The following ZNF18 variants were observed in gnomAD, a reference collection of about 807,000 sequenced individuals.
ZNF18 encodes the protein heart development-specific gene 1 protein.
ZNF18 carries 42 observed loss-of-function variants against 58.1 expected under a neutral mutation model. That is an observed-to-expected ratio of 0.72 (90% confidence interval 0.56 to 0.93). The LOEUF (loss-of-function observed/expected upper bound fraction) is 0.93. Ranked by LOEUF, ZNF18 falls within the 40% of genes least tolerant of loss-of-function variation. ZNF18 has a pLI of 0.00. For synonymous variants in ZNF18, 231 were observed against 239.8 expected, an observed-to-expected ratio of 0.96 and a Z score of 0.34; for missense variants, 540 against 644.2, an observed-to-expected ratio of 0.84 and a Z score of 1.75.
chr17:12,014,816 C>T, the ZNF18 span, among the ~76,000 whole-genome samples: 4 of 152,068 alleles, frequency 2.6e-5, no homozygotes, highest in African/African-American at 7.2e-5. Flanking sequence ...TTTGGGAGGC[C>T]GAGGCAGGCG....
At chr17:12,001,629 AAAACAAACAAAC>A (rs559517921), upstream of ZNF18, among the ~76,000 whole-genome samples, 6 of 151,832 alleles carry the variant, frequency 4.0e-5, no homozygotes, top group Non-Finnish European at 4.4e-5. Flanking sequence ...ACTCCGTCTC[AAAACAAACAAAC>A]AAACAAACAA....
chr17:12,010,968 C>T, the ZNF18 span: 2 of 715,618 alleles, frequency 2.8e-6, no homozygotes, highest in Non-Finnish European at 5.1e-6. Context: ...ATTCTCTTGG[C>T]AAGAATCTTG....
intron 1 of ZNF18, chr17:11,995,624 A>G (rs1968424537): frequency 6.6e-6 from 1 of 151,206 alleles, no homozygotes; most frequent in South Asian, 2.1e-4. Flanking sequence ...CGGAAGTTGC[A>G]GTGAGTCAAG....
At chr17:11,988,435 T>C (rs965615952) in intron 4 of ZNF18, among the ~76,000 whole-genome samples, 1 of 152,110 alleles carries the variant, frequency 6.6e-6, no homozygotes, top group African/African-American at 2.4e-5. Flanking sequence ...CCAAGATCCT[T>C]AGAATCGACA....
In ZNF18 at chr17:11,979,005, A is replaced by ATCAC. The variant is rs1967175942; in HGVS notation, c.863-265_863-262dup. On this transcript the variant is annotated intron_variant, in intron 6 of 6. Transcript: ENST00000580306. ...ACAACACAGGAGTACTCATAAAGTG[A>ATCAC]TCACTCCGTAAATAAAGCCACATGT... 2.6e-5 allele frequency among the ~76,000 whole-genome samples: 4 copies of ATCAC among 151,644 alleles called. No homozygotes were observed. In the South Asian group the frequency reaches 8.3e-4, roughly 32 times the overall value.
chr17:11,988,895 C>T (rs35439204), intron 4 of ZNF18, among the ~76,000 whole-genome samples: 36,304 of 151,742 alleles, frequency 0.24, 5,153 homozygotes, highest in Middle Eastern at 0.36. Flanking sequence ...ATGGTGGCTC[C>T]CGCCTGTAAT....
chr17:11,990,853 C>G (rs2151482497), intron 3 of ZNF18, 121 bp downstream of exon 3: 1 of 1,147,702 alleles, frequency 8.7e-7, no homozygotes, highest in African/African-American at 1.6e-5. Context: ...TTAGGTCTAA[C>G]CTGTTTGCAA....
intron 1 of ZNF18, chr17:11,996,689 G>A (rs1968489084): frequency 6.6e-6 from 1 of 152,076 alleles, no homozygotes; most frequent in Admixed American, 6.6e-5. Context: ...TGCATTCTAG[G>A]TGTAATATAC....
rs149438688 is a variant in ZNF18 at position 11,978,593 on chromosome 17, T to C, written c.1014A>G (p.Gly338=). 2.5e-6 allele frequency: 4 copies of C among 1,614,096 alleles called. No homozygotes were observed. The highest frequency in any genetic ancestry group is 3.4e-6 in the Non-Finnish European group (4 of 1,180,028). ...FFTEDEPGCF[G]EGENLPEALQ... ...GAGCCTCAGGGAGATTCTCTCCTTC[T>C]CCAAAGCATCCTGGCTCATCCTCAG... Residue 338 remains glycine, a synonymous_variant, in exon 7 of 7, where the codon GGA becomes GGG. Transcript: ENST00000580306.
At chr17:12,019,080 T>C in the ZNF18 span, among the ~76,000 whole-genome samples, 1 of 151,780 alleles carries the variant, frequency 6.6e-6, no homozygotes. Flanking sequence ...TCAGCCTCCC[T>C]AGTAGCTGGG....
At chr17:12,011,836 G>A in the ZNF18 span, among the ~76,000 whole-genome samples, 9 of 151,564 alleles carry the variant, frequency 5.9e-5, no homozygotes, top group African/African-American at 1.5e-4. Context: ...GAGTAGCTGG[G>A]ATTACAGGCA....
At chr17:11,999,425 T>G (rs1968619798), upstream of ZNF18, among the ~76,000 whole-genome samples, 1 of 152,226 alleles carries the variant, frequency 6.6e-6, no homozygotes, top group Admixed American at 6.5e-5. Context: ...AATGACACTT[T>G]GAAGTTTAAT....
the ZNF18 span, among the ~76,000 whole-genome samples, chr17:12,008,347 C>A: frequency 3.3e-5 from 5 of 152,108 alleles, no homozygotes; most frequent in Non-Finnish European, 7.4e-5. Flanking sequence ...ATAAGTCTGA[C>A]CATCCCATTA....
chr17:12,000,071 C>T (rs1472582017), upstream of ZNF18, among the ~76,000 whole-genome samples: 4 of 152,096 alleles, frequency 2.6e-5, no homozygotes, highest in African/African-American at 7.2e-5. Flanking sequence ...CACATGCTTG[C>T]CACCGTGCCC....
At chr17:11,983,488 C>T in intron 5 of ZNF18, 81 bp from the exon 6 acceptor site, 6 of 1,081,392 alleles carry the variant, frequency 5.5e-6, no homozygotes, top group Non-Finnish European at 7.1e-6. Flanking sequence ...AAGGAGCACC[C>T]TACGCATGAG....
the ZNF18 span, among the ~76,000 whole-genome samples, chr17:12,008,562 T>C: frequency 1.3e-5 from 2 of 152,180 alleles, no homozygotes; most frequent in African/African-American, 4.8e-5. Flanking sequence ...ACCCTGAAGG[T>C]ATTTGAGCAA....
At chr17:12,018,076 T>C in the ZNF18 span, among the ~76,000 whole-genome samples, 1 of 152,180 alleles carries the variant, frequency 6.6e-6, no homozygotes, top group South Asian at 2.1e-4. Flanking sequence ...GTTATTTTCA[T>C]CTACTCTAGT....
At chr17:12,000,487 T>C (rs1309508218), upstream of ZNF18, among the ~76,000 whole-genome samples, 1 of 152,112 alleles carries the variant, frequency 6.6e-6, no homozygotes, top group Admixed American at 6.6e-5. Flanking sequence ...CATGGGCAGA[T>C]CACCTGAGGT....
chr17:11,986,895 T>C (rs1967783121), intron 4 of ZNF18, among the ~76,000 whole-genome samples: 1 of 152,080 alleles, frequency 6.6e-6, no homozygotes, highest in African/African-American at 2.4e-5. Context: ...AGGGTCAAAA[T>C]CAGCTCACTC....
Sources: allele counts gnomAD v4.1 joint callset (sites outside exome capture counted in the v4.1 genomes callset), GRCh38; gene constraint gnomAD v4.1.1; transcripts MANE v1.5; gene names NCBI Gene and HGNC (gene_info 2026-07-23, HGNC 2026-07-21).